ZNF324B: variants seen among roughly 807,000 people sequenced by gnomAD.
ZNF324B encodes the protein zinc finger protein 324B.
In ZNF324B, 7 loss-of-function variants were observed where a neutral mutation model predicts 10.6. The ratio of observed to expected loss-of-function variants is 0.66; its 90% confidence interval spans 0.38 to 1.24. ZNF324B has a LOEUF of 1.24. ZNF324B is among the 50% of genes most tolerant of loss of function. The probability of loss-of-function intolerance (pLI) is 0.02; values close to 1 mark genes in which losing one functional copy is unlikely to be tolerated. For synonymous variants in ZNF324B, 316 were observed against 321.0 expected (o/e 0.98, Z 0.17); for missense variants, 640 against 764.7 (o/e 0.84, Z 1.92).
At chr19:58,423,808 A>T in the ZNF324B span, among the ~76,000 whole-genome samples, 2 of 151,906 alleles carry the variant, frequency 1.3e-5, no homozygotes, top group Non-Finnish European at 1.5e-5. Flanking sequence ...AATAACATAC[A>T]TTGGGAAAGG....
the ZNF324B span, chr19:58,440,231 C>T: frequency 7.7e-6 from 2 of 261,014 alleles, no homozygotes; most frequent in Non-Finnish European, 1.5e-5. Context: ...TCAAGGATCC[C>T]CGCCGTCTAT....
the ZNF324B span, among the ~76,000 whole-genome samples, chr19:58,427,864 G>A: frequency 6.6e-6 from 1 of 152,072 alleles, no homozygotes; most frequent in South Asian, 2.1e-4. Context: ...GAGCTCTGAT[G>A]ACGTGTCTAC....
In ZNF324B at chr19:58,456,261, C is replaced by T. The variant is rs1336229601; in HGVS notation, c.1317C>T (p.Asn439=). 1.2e-6 allele frequency: 2 copies of T among 1,613,164 alleles called. No individual in the cohort carries two copies. Among genetic ancestry groups the T allele is most frequent in the Non-Finnish European group, 1.7e-6 (2 of 1,179,870 alleles). Residue 439 remains asparagine, a synonymous_variant, in exon 4 of 4, where the codon AAC becomes AAT. Coordinates refer to ENST00000336614, the MANE Select transcript of ZNF324B (RefSeq NM_207395.3). This position sits in a 1 kb window ranked among gnomAD's most constrained non-coding sequence, Gnocchi z 4.7. ...QCGRSFSRSS[N]LTQHQLLHTG... ...GCCGCTCCTTTAGCCGCAGCTCCAA[C>T]CTCACCCAGCACCAGCTCCTGCACA...
the ZNF324B span, among the ~76,000 whole-genome samples, chr19:58,426,093 C>T: frequency 6.6e-6 from 1 of 152,154 alleles, no homozygotes; most frequent in African/African-American, 2.4e-5. Flanking sequence ...TTGGAGAGGC[C>T]AGAGACTGGT....
At chr19:58,423,963 G>A in the ZNF324B span, among the ~76,000 whole-genome samples, 3 of 151,996 alleles carry the variant, frequency 2.0e-5, no homozygotes, top group Non-Finnish European at 2.9e-5. Flanking sequence ...CAAGGGGGTC[G>A]GGGCAGTGGC....
chr19:58,441,917 G>C, the ZNF324B span: 1 of 152,312 alleles, frequency 6.6e-6, no homozygotes, highest in African/African-American at 2.4e-5. Context: ...GGCTTCTACA[G>C]TGACATGATA....
rs1476815481 is a variant in ZNF324B at position 58,454,221 on chromosome 19, C to T, written c.122-7C>T. ...GGGGCTGGGCTCTCACCTGCTCCTC[C>T]TCACAGGACTCTCTACCTCCCGACC... On this transcript the variant is annotated splice_polypyrimidine_tract_variant and splice_region_variant and intron_variant, in intron 2 of 3. Coordinates refer to ENST00000336614, the MANE Select transcript of ZNF324B (RefSeq NM_207395.3). The T allele has an allele frequency of 2.5e-6, 4 of 1,607,762 alleles. No individual in the cohort carries two copies. Among genetic ancestry groups the T allele is most frequent in the Non-Finnish European group, 3.4e-6 (4 of 1,174,316 alleles).
chr19:58,451,563 G>T (rs577415498), upstream of ZNF324B: 2 of 514,922 alleles, frequency 3.9e-6, no homozygotes, highest in Non-Finnish European at 7.7e-6. Context: ...GTGCGCAAGC[G>T]TCTGCGCGCG....
chr19:58,429,726 A>G, the ZNF324B span: 1 of 152,234 alleles, frequency 6.6e-6, no homozygotes, highest in Non-Finnish European at 1.5e-5. Flanking sequence ...GAATTGTCAT[A>G]CCAAAATCTA....
chr19:58,436,667 CAAA>C, the ZNF324B span, among the ~76,000 whole-genome samples: 7 of 65,552 alleles, frequency 1.1e-4, no homozygotes, highest in Non-Finnish European at 1.7e-4. Flanking sequence ...GACTCCATCT[CAAA>C]AAAAAAAAAA....
the ZNF324B span, among the ~76,000 whole-genome samples, chr19:58,421,235 C>T: frequency 3.3e-5 from 5 of 152,024 alleles, no homozygotes; most frequent in Non-Finnish European, 7.4e-5. Flanking sequence ...TCCCATCTGC[C>T]TCCTACCTCA....
chr19:58,448,503 T>G (rs1274209038), upstream of ZNF324B, among the ~76,000 whole-genome samples: 2 of 152,158 alleles, frequency 1.3e-5, no homozygotes, highest in Admixed American at 1.3e-4. Flanking sequence ...GGCAGGTGGA[T>G]CATGAGGTCA....
chr19:58,451,509 C>T, upstream of ZNF324B: 1 of 439,556 alleles, frequency 2.3e-6, no homozygotes, highest in South Asian at 1.6e-5. Flanking sequence ...ATGGCCCCGC[C>T]TCCGCGCCGA....
At chr19:58,418,717 C>T in the ZNF324B span, 1 of 152,110 alleles carries the variant, frequency 6.6e-6, no homozygotes, top group African/African-American at 2.4e-5. Flanking sequence ...TCAAGTGATC[C>T]TCCTGCTTCA....
the ZNF324B span, chr19:58,433,787 C>T: frequency 1.9e-6 from 3 of 1,613,956 alleles, no homozygotes; most frequent in African/African-American, 1.3e-5. Flanking sequence ...GAGCTGTGAG[C>T]AAAGGCTTTC....
Position 58,455,644 on chromosome 19 carries a change from C to G in ZNF324B, c.700C>G (p.Leu234Val). 6.2e-7 allele frequency: 1 copy of G among 1,613,776 alleles called. No individual in the cohort carries two copies. The highest frequency in any genetic ancestry group is 8.5e-7 in the Non-Finnish European group (1 of 1,179,952). The part of the protein sequence containing the change: ...MGAAWQEPHR[L>V]LGGQEPSTWD... ...CGCAGCTTGGCAGGAGCCTCATAGA[C>G]TCCTCGGTGGCCAGGAGCCCTCGAC... is the stretch of plus-strand genomic sequence containing the variant. The change falls in exon 4 of 4, where the codon CTC becomes GTC. Residue 234 changes from leucine (L) to valine (V), a missense_variant. Around this residue, in one of 3 missense-constraint regions of ZNF324B, gnomAD observed 345 missense variants for 387.9 expected, o/e 0.89. Transcript: ENST00000336614. The surrounding 1 kb of genome is among the most constrained non-coding windows in gnomAD (Gnocchi z 7.0).
chr19:58,439,892 C>T, the ZNF324B span: 1 of 1,477,872 alleles, frequency 6.8e-7, no homozygotes, highest in Non-Finnish European at 9.1e-7. Flanking sequence ...CGGTCGCACT[C>T]AGGACCTGTC....
Position 58,456,543 on chromosome 19 carries a change from G to GAAGCC in ZNF324B, c.1605_1609dup (p.Pro537GlnfsTer5), listed in dbSNP as rs1250117282. ...ATCATCGGAAGGTGCGCCGGGGAGG[G>GAAGCC]AAGCCAAGCCCAGTCCTGAAGCCAG... is the stretch of plus-strand genomic sequence containing the variant. On this transcript the variant is annotated frameshift_variant, in exon 4 of 4. Transcript: ENST00000336614. LOFTEE classifies it low-confidence loss of function (END_TRUNC). The surrounding 1 kb of genome is among the most constrained non-coding windows in gnomAD (Gnocchi z 4.7). The GAAGCC allele has an allele frequency of 6.2e-7, 1 of 1,614,014 alleles. No homozygotes were observed. Among genetic ancestry groups the GAAGCC allele is most frequent in the Non-Finnish European group, 8.5e-7 (1 of 1,180,018 alleles).
At chr19:58,426,151 G>A in the ZNF324B span, among the ~76,000 whole-genome samples, 1 of 152,122 alleles carries the variant, frequency 6.6e-6, no homozygotes, top group Admixed American at 6.5e-5. Context: ...TCAAACAATC[G>A]AAGCTTGGCT....
Sources: allele counts gnomAD v4.1 joint callset (sites outside exome capture counted in the v4.1 genomes callset), GRCh38; gene constraint gnomAD v4.1.1; regional missense constraint gnomAD v4.1.1; non-coding constraint Gnocchi (gnomAD v3.1); transcripts MANE v1.5; gene names NCBI Gene and HGNC (gene_info 2026-07-23, HGNC 2026-07-21).